Variants in RNFT2 observed in about 807,000 individuals in gnomAD.
RNFT2 encodes the protein ring finger protein, transmembrane 2, also known as E3 ubiquitin-protein ligase RNFT2.
RNFT2 carries 36 observed loss-of-function variants against 53.0 expected under a neutral mutation model. That is an observed-to-expected ratio of 0.68 (90% CI 0.52 to 0.90). The LOEUF is 0.90. RNFT2 is among the 40% of genes least tolerant of loss of function. The pLI, the probability that RNFT2 is intolerant of heterozygous loss-of-function variation, is 0.00. For missense variants in RNFT2, 514 were observed against 585.6 expected (o/e 0.88, Z 1.26); for synonymous variants, 260 against 253.2 (o/e 1.03, Z -0.26).
At chr12:116,845,834 A>G (rs1877585714) in intron 10 of RNFT2, among the ~76,000 whole-genome samples, 1 of 152,088 alleles carries the variant, frequency 6.6e-6, no homozygotes, top group East Asian at 1.9e-4. Flanking sequence ...CTACAGCCAC[A>G]TCAGCTATCT....
intron 3 of RNFT2, among the ~76,000 whole-genome samples, chr12:116,746,287 G>A (rs773250582): frequency 2.0e-5 from 3 of 152,068 alleles, no homozygotes; most frequent in Admixed American, 6.6e-5. Context: ...AGGTGCTGGG[G>A]CCCACCCATA....
chr12:116,743,213 T>TAAAAAAAAAA lies in RNFT2; in HGVS notation c.83+2141_83+2150dup, dbSNP rs762013507. ...TGATTAATAGATACCAGGTAGAATC[T>TAAAAAAAAAA]AAAAAAAAAAAAAAAAAAAAAAAAA... is the stretch of plus-strand genomic sequence containing the variant. On this transcript the variant is annotated intron_variant, in intron 3 of 10. Transcript: ENST00000257575. Among the ~76,000 whole-genome samples, 75 of 10,666 alleles carry TAAAAAAAAAA rather than the reference T, an allele frequency of 7.0e-3. 15 individuals are homozygous for TAAAAAAAAAA. The highest frequency in any genetic ancestry group is 0.014 in the African/African-American group (44 of 3,104). 7.0% of individuals were successfully genotyped at this position (10,666 alleles called of 152,430 possible). A position where few individuals can be genotyped will look rare whatever the true frequency, so the allele number is the denominator to read the frequency against.
At chr12:116,815,231 C>G (rs1019739011) in intron 7 of RNFT2, among the ~76,000 whole-genome samples, 3 of 152,204 alleles carry the variant, frequency 2.0e-5, no homozygotes, top group South Asian at 2.1e-4. Flanking sequence ...CAGAGATGCT[C>G]CAGCCATGCC....
In RNFT2 at chr12:116,765,562, A is replaced by G. The variant is rs568316204; in HGVS notation, c.628-1252A>G. Among the ~76,000 whole-genome samples the G allele has an allele frequency of 2.0e-5, 3 of 152,264 alleles. No homozygotes were observed. In the South Asian group the frequency reaches 6.2e-4, roughly 32 times the overall value. On this transcript the variant is annotated intron_variant, in intron 5 of 10. Transcript: ENST00000257575. ...CTGAAAAAAGGCACGAGCTGTTGAGAATCAACAGCAGAGGGATCTGCCTAT... is the reference window on the plus strand; with the variant it reads ...CTGAAAAAAGGCACGAGCTGTTGAGGATCAACAGCAGAGGGATCTGCCTAT...
At position 116,850,621 on chromosome 12, in the gene RNFT2, T is replaced by TTTTTTC. The variant is rs776505708; in HGVS notation, c.*1178_*1179insCTTTTT. The TTTTTTC allele has an allele frequency of 4.8e-3, 606 of 127,238 alleles. 31 individuals carry two copies. The highest frequency in any genetic ancestry group is 0.012 in the Middle Eastern group (3 of 248). The allele number at this position is 127,238 out of a possible 1,614,324, so 7.9% of individuals were successfully genotyped here. A position where few individuals can be genotyped will look rare whatever the true frequency, so the allele number is the denominator to read the frequency against. On this transcript the variant is annotated 3_prime_UTR_variant, in exon 11 of 11. Coordinates refer to ENST00000257575, the MANE Select transcript of RNFT2 (RefSeq NM_001382266.1). ...GTGAAGTATTTTTTCTTTTCTTTTC[T>TTTTTTC]TTTTTTTTTTTTTTTTGTTGTTGTG...
intron 10 of RNFT2, among the ~76,000 whole-genome samples, chr12:116,844,018 A>G (rs1877485963): frequency 6.6e-6 from 1 of 152,092 alleles, no homozygotes; most frequent in Admixed American, 6.5e-5. Context: ...GTGGTTCCCA[A>G]AGTGTGGCCA....
chr12:116,816,359 T>C (rs1444759314), intron 7 of RNFT2, among the ~76,000 whole-genome samples: 1 of 152,074 alleles, frequency 6.6e-6, no homozygotes, highest in African/African-American at 2.4e-5. Context: ...AGATTTTTAC[T>C]CACAGCCCAG....
intron 6 of RNFT2, among the ~76,000 whole-genome samples, chr12:116,771,831 C>T (rs1176423129): frequency 6.6e-6 from 1 of 152,188 alleles, no homozygotes; most frequent in African/African-American, 2.4e-5. Context: ...TAAAATATCC[C>T]TGTCACCCTG....
At chr12:116,839,580 G>A (rs578032511) in intron 10 of RNFT2, among the ~76,000 whole-genome samples, 1 of 151,854 alleles carries the variant, frequency 6.6e-6, no homozygotes, top group East Asian at 1.9e-4. Context: ...CAGATGAGTG[G>A]GTAAATAGGA....
intron 7 of RNFT2, among the ~76,000 whole-genome samples, chr12:116,792,207 G>A (rs530927805): frequency 8.6e-5 from 13 of 151,618 alleles, no homozygotes; most frequent in Middle Eastern, 3.4e-3. Context: ...GCACCACCAC[G>A]CCCAGCTAAT....
chr12:116,743,213 T>TAAAAAAA lies in RNFT2; in HGVS notation c.83+2144_83+2150dup, dbSNP rs762013507. 7.0e-3 allele frequency among the ~76,000 whole-genome samples: 75 copies of TAAAAAAA among 10,644 alleles called. 13 individuals carry two copies. Among genetic ancestry groups the TAAAAAAA allele is most frequent in the African/African-American group, 0.018 (55 of 3,098 alleles). 7.0% of individuals were successfully genotyped at this position (10,644 alleles called of 152,430 possible). On this transcript the variant is annotated intron_variant, in intron 3 of 10. Coordinates refer to ENST00000257575, the MANE Select transcript of RNFT2 (RefSeq NM_001382266.1). ...TGATTAATAGATACCAGGTAGAATC[T>TAAAAAAA]AAAAAAAAAAAAAAAAAAAAAAAAA...
chr12:116,781,039 A>G (rs1309740407), intron 7 of RNFT2, among the ~76,000 whole-genome samples: 6 of 152,198 alleles, frequency 3.9e-5, no homozygotes, highest in African/African-American at 1.4e-4. Flanking sequence ...TGTGGGAAAT[A>G]CAGAGTGCTT....
intron 4 of RNFT2, 67 bp downstream of exon 4, chr12:116,750,374 G>A (rs919466513): frequency 2.7e-6 from 4 of 1,466,896 alleles, no homozygotes; most frequent in Admixed American, 3.9e-5. Flanking sequence ...AGCCGGTGGG[G>A]TGGGGGCTCC....
intron 7 of RNFT2, among the ~76,000 whole-genome samples, chr12:116,794,609 GA>G (rs1874398685): frequency 7.0e-6 from 1 of 143,670 alleles, no homozygotes; most frequent in Non-Finnish European, 1.5e-5. Flanking sequence ...AAAAACAAAA[GA>G]AAGGAAAGAA....
At chr12:116,834,995 A>C (rs1318139460) in intron 8 of RNFT2, among the ~76,000 whole-genome samples, 2 of 151,932 alleles carry the variant, frequency 1.3e-5, no homozygotes, top group Admixed American at 6.6e-5. Context: ...GATTACAGGC[A>C]TTCACCACTA....
intron 7 of RNFT2, among the ~76,000 whole-genome samples, chr12:116,826,351 G>C (rs751682699): frequency 6.6e-6 from 1 of 151,928 alleles, no homozygotes; most frequent in Non-Finnish European, 1.5e-5. Context: ...GCCCAAGCAC[G>C]TCCTGCAACA....
chr12:116,756,724 G>A (rs919233807), intron 5 of RNFT2, among the ~76,000 whole-genome samples: 1 of 152,096 alleles, frequency 6.6e-6, no homozygotes, highest in Admixed American at 6.5e-5. Context: ...GTTGGATTCG[G>A]TTAGCAAGTA....
At chr12:116,842,438 G>A (rs1367908419) in intron 10 of RNFT2, among the ~76,000 whole-genome samples, 1 of 152,030 alleles carries the variant, frequency 6.6e-6, no homozygotes, top group African/African-American at 2.4e-5. Context: ...GTGTACCTTG[G>A]GCGCACAGCT....
intron 3 of RNFT2, among the ~76,000 whole-genome samples, chr12:116,749,537 C>G (rs1386873291): frequency 6.6e-6 from 1 of 152,162 alleles, no homozygotes; most frequent in Admixed American, 6.5e-5. Flanking sequence ...ACCTCTGACT[C>G]CCAAAGTACA....
Sources: allele counts gnomAD v4.1 joint callset (sites outside exome capture counted in the v4.1 genomes callset), GRCh38; gene constraint gnomAD v4.1.1; transcripts MANE v1.5; gene names NCBI Gene and HGNC (gene_info 2026-07-23, HGNC 2026-07-21).